The following MYD88 variants were observed in gnomAD, a reference collection of about 807,000 sequenced individuals.
The protein encoded by MYD88 is MYD88 innate immune signal transduction adaptor, also known as myeloid differentiation primary response protein MyD88.
A neutral mutation model predicts 31.1 loss-of-function variants in MYD88; 15 were observed. The ratio of observed to expected loss-of-function variants is 0.48; its 90% confidence interval spans 0.32 to 0.74. MYD88 has a LOEUF of 0.74. MYD88 is among the 30% of genes least tolerant of loss of function. The pLI is 0.03. For missense variants in MYD88, 308 were observed against 387.4 expected, an observed-to-expected ratio of 0.79 and a Z score of 1.72; for synonymous variants, 157 against 158.8, an observed-to-expected ratio of 0.99 and a Z score of 0.08.
rs890533848 is a variant in MYD88 at position 38,139,277 on chromosome 3, G to T, written c.328+249G>T. 34 of 585,506 alleles carry T rather than the reference G, an allele frequency of 5.8e-5. No homozygotes were observed. The highest frequency in any genetic ancestry group is 9.6e-5 in the Non-Finnish European group (32 of 334,712). The allele number at this position is 585,506 out of a possible 1,614,324, so 36.3% of individuals were successfully genotyped here. On this transcript the variant is annotated intron_variant, in intron 1 of 4. Coordinates refer to ENST00000650905, the MANE Select transcript of MYD88 (RefSeq NM_002468.5). The surrounding 1 kb of genome is among the most constrained non-coding windows in gnomAD (Gnocchi z 4.7). ...AGCTTAGGCAGAGGCTTTCAGGTAG[G>T]GCCAGGAGTCAGAATCAGGCTTCTG...
Position 38,138,744 on chromosome 3 carries a change from C to G in MYD88, c.44C>G (p.Ser15Cys), listed in dbSNP as rs771227546. The G allele has an allele frequency of 6.2e-7, 1 of 1,611,690 alleles. No individual in the cohort carries two copies. Among genetic ancestry groups the G allele is most frequent in the East Asian group, 2.2e-5 (1 of 44,866 alleles). Residue 15 changes from serine to cysteine, a missense_variant, in exon 1 of 5, where the codon TCC becomes TGC. By Grantham distance (112) the Ser-to-Cys change is moderately radical. Coordinates refer to ENST00000650905, the MANE Select transcript of MYD88 (RefSeq NM_002468.5). The surrounding 1 kb of genome is among the most constrained non-coding windows in gnomAD (Gnocchi z 6.4). ...GPGAGSAAPV[S>C]STSSLPLAAL... ...GGCGCGGGGTCTGCGGCCCCGGTCTCCTCCACATCCTCCCTTCCCCTGGCT... is the reference window on the plus strand; with the variant it reads ...GGCGCGGGGTCTGCGGCCCCGGTCTGCTCCACATCCTCCCTTCCCCTGGCT...
rs778614039 is a variant in MYD88 at position 38,138,685 on chromosome 3, T to G, written c.-16T>G. 8 of 1,591,954 alleles carry G rather than the reference T, an allele frequency of 5.0e-6. No homozygotes were observed. Among genetic ancestry groups the G allele is most frequent in the Admixed American group, 3.4e-5 (2 of 59,306 alleles). On this transcript the variant is annotated 5_prime_UTR_variant, in exon 1 of 5. Coordinates refer to ENST00000650905, the MANE Select transcript of MYD88 (RefSeq NM_002468.5). The surrounding 1 kb of genome is among the most constrained non-coding windows in gnomAD (Gnocchi z 6.4). ...CAATGCGACCCGACCGCGCTGAGGC[T>G]CCAGGACCGCCCGCCATGGCTGCAG...
In MYD88 at chr3:38,140,447, G is replaced by C. The variant is rs2125778480; in HGVS notation, c.523G>C (p.Val175Leu). ...ICYCPSDIQF[V>L]QEMIRQLEQT... ...CTATTGCCCCAGCGACATCCAGTTT[G>C]TGCAGGAGATGATCCGGCAACTGGA... Residue 175 changes from valine to leucine, a missense_variant, in exon 3 of 5, where the codon GTG becomes CTG. By Grantham distance (32) the Val-to-Leu change is conservative. Coordinates refer to ENST00000650905, the MANE Select transcript of MYD88 (RefSeq NM_002468.5). 2 of 1,614,240 alleles carry C rather than the reference G, an allele frequency of 1.2e-6. No individual in the cohort carries two copies. The highest frequency in any genetic ancestry group is 1.7e-6 in the Non-Finnish European group (2 of 1,180,038).
In MYD88 at chr3:38,138,672, A is replaced by G; in HGVS notation, c.-29A>G. The G allele has an allele frequency of 6.4e-7, 1 of 1,563,212 alleles. No individual in the cohort carries two copies. The highest frequency in any genetic ancestry group is 8.7e-7 in the Non-Finnish European group (1 of 1,151,560). On this transcript the variant is annotated 5_prime_UTR_variant, in exon 1 of 5. Transcript: ENST00000650905. This position sits in a 1 kb window ranked among gnomAD's most constrained non-coding sequence, Gnocchi z 6.4. ...AAGCGCTGGCAGACAATGCGACCCG[A>G]CCGCGCTGAGGCTCCAGGACCGCCC...
rs1374125595 is a variant in MYD88 at position 38,139,386 on chromosome 3, G to C, written c.328+358G>C. ...GACTGTCTTAGAAACCTCAAGTCCTGGGGAAATGCAGCCCTTCTTTCTACT... is the reference window on the plus strand; with the variant it reads ...GACTGTCTTAGAAACCTCAAGTCCTCGGGAAATGCAGCCCTTCTTTCTACT... On this transcript the variant is annotated intron_variant, in intron 1 of 4. Transcript: ENST00000650905. The surrounding 1 kb of genome is among the most constrained non-coding windows in gnomAD (Gnocchi z 4.7). 1 of 426,594 alleles carries C rather than the reference G, an allele frequency of 2.3e-6. No homozygotes were observed. Among genetic ancestry groups the C allele is most frequent in the African/African-American group, 2.0e-5 (1 of 50,428 alleles). The allele number at this position is 426,594 out of a possible 1,614,324, so 26.4% of individuals were successfully genotyped here. A position where few individuals can be genotyped will look rare whatever the true frequency, so the allele number is the denominator to read the frequency against.
chr3:38,139,097 C>T lies in MYD88; in HGVS notation c.328+69C>T. 1 of 1,542,734 alleles carries T rather than the reference C, an allele frequency of 6.5e-7. No homozygotes were observed. Among genetic ancestry groups the T allele is most frequent in the South Asian group, 1.2e-5 (1 of 83,260 alleles). On this transcript the variant is annotated intron_variant, in intron 1 of 4. Transcript: ENST00000650905. This position sits in a 1 kb window ranked among gnomAD's most constrained non-coding sequence, Gnocchi z 4.7. Reference sequence around the variant, plus strand: ...GGCTGACTTTCCGCGGCCTCAGCATCCTGTCTCCCATGGAGAGACCCCATT... The same window carrying T: ...GGCTGACTTTCCGCGGCCTCAGCATTCTGTCTCCCATGGAGAGACCCCATT...
Position 38,141,429 on chromosome 3 carries a change from G to A in MYD88, c.*143G>A. The A allele has an allele frequency of 9.1e-7, 1 of 1,099,262 alleles. No individual in the cohort carries two copies. The highest frequency in any genetic ancestry group is 1.4e-6 in the Non-Finnish European group (1 of 727,132). 68.1% of individuals were successfully genotyped at this position (1,099,262 alleles called of 1,614,324 possible). Reference sequence around the variant, plus strand: ...AGATGCCAACTTCACAGACACGTCTGCAGCAGCTGGACATCACATTTCATG... The same window carrying A: ...AGATGCCAACTTCACAGACACGTCTACAGCAGCTGGACATCACATTTCATG... On this transcript the variant is annotated 3_prime_UTR_variant, in exon 5 of 5. Coordinates refer to ENST00000650905, the MANE Select transcript of MYD88 (RefSeq NM_002468.5).
At chr3:38,140,601 A>T (rs1470947843) in intron 3 of MYD88, 33 bp downstream of exon 3, 1 of 1,613,824 alleles carries the variant, frequency 6.2e-7, no homozygotes, top group South Asian at 1.1e-5. Context: ...GGGTGCGTGG[A>T]TGCATGAAGC....
Position 38,140,843 on chromosome 3 carries a change from C to T in MYD88, c.731C>T (p.Ser244Phe), listed in dbSNP as rs2125779768. ...DFQTKFALSL[S>F]PGAHQKRLIP... ...CAGACCAAATTTGCACTCAGCCTCT[C>T]TCCAGGTAAGCTCAACCCTGCTCTG... Residue 244 changes from serine (S) to phenylalanine (F), a missense_variant, in exon 4 of 5, where the codon TCT (serine) becomes TTT (phenylalanine). Physicochemically the swap from Ser to Phe is radical, Grantham distance 155 (BLOSUM62 -2). Transcript: ENST00000650905. 3 of 1,614,026 alleles carry T rather than the reference C, an allele frequency of 1.9e-6. No homozygotes were observed. Among genetic ancestry groups the T allele is most frequent in the Non-Finnish European group, 1.7e-6 (2 of 1,179,858 alleles).
At position 38,138,753 on chromosome 3, in the gene MYD88, C is replaced by T. The variant is rs377224266; in HGVS notation, c.53C>T (p.Ser18Phe). ...AGSAAPVSST[S>F]SLPLAALNMR... is the part of the protein sequence containing the mutation. ...TCTGCGGCCCCGGTCTCCTCCACAT[C>T]CTCCCTTCCCCTGGCTGCTCTCAAC... The change falls in exon 1 of 5, where the codon TCC (serine) becomes TTC (phenylalanine). Residue 18 changes from serine to phenylalanine, a missense_variant. Coordinates refer to ENST00000650905, the MANE Select transcript of MYD88 (RefSeq NM_002468.5). This position sits in a 1 kb window ranked among gnomAD's most constrained non-coding sequence, Gnocchi z 6.4. The T allele has an allele frequency of 6.2e-7, 1 of 1,612,298 alleles. No homozygotes were observed. Among genetic ancestry groups the T allele is most frequent in the Non-Finnish European group, 8.5e-7 (1 of 1,179,582 alleles).
chr3:38,139,562 A>C lies in MYD88; in HGVS notation c.329-302A>C, dbSNP rs990181907. The C allele has an allele frequency of 2.7e-5, 13 of 473,908 alleles. No homozygotes were observed. The highest frequency in any genetic ancestry group is 2.3e-4 in the African/African-American group (12 of 51,124). The allele number at this position is 473,908 out of a possible 1,614,324, so 29.4% of individuals were successfully genotyped here. The stretch of plus-strand genomic sequence containing the variant: ...AGCCCCTTGCTCACATCTGCCCTGG[A>C]TCCCAGAAGAAGCAGACCTACCTTG... On this transcript the variant is annotated intron_variant, in intron 1 of 4. Transcript: ENST00000650905. The surrounding 1 kb of genome is among the most constrained non-coding windows in gnomAD (Gnocchi z 4.7).
In MYD88 at chr3:38,142,591, G is replaced by A. The variant is rs1319677376; in HGVS notation, c.*1305G>A. The A allele has an allele frequency of 4.3e-6, 1 of 233,324 alleles. No homozygotes were observed. Among genetic ancestry groups the A allele is most frequent in the Non-Finnish European group, 8.5e-6 (1 of 118,078 alleles). The allele number at this position is 233,324 out of a possible 1,614,324, so 14.5% of individuals were successfully genotyped here. A position where few individuals can be genotyped will look rare whatever the true frequency, so the allele number is the denominator to read the frequency against. On this transcript the variant is annotated 3_prime_UTR_variant, in exon 5 of 5. Transcript: ENST00000650905. The stretch of plus-strand genomic sequence containing the variant: ...CACACAACAATGAACTGCAGACACA[G>A]CTGTTCTCTCCCTCTCTCCTTCCCA...
rs1701016576 is a variant in MYD88 at position 38,139,259 on chromosome 3, G to A, written c.328+231G>A. 5 of 623,810 alleles carry A rather than the reference G, an allele frequency of 8.0e-6. No individual in the cohort carries two copies. The highest frequency in any genetic ancestry group is 1.4e-5 in the Non-Finnish European group (5 of 365,044). 38.6% of individuals were successfully genotyped at this position (623,810 alleles called of 1,614,324 possible). On this transcript the variant is annotated intron_variant, in intron 1 of 4. Transcript: ENST00000650905. This position sits in a 1 kb window ranked among gnomAD's most constrained non-coding sequence, Gnocchi z 4.7. ...CGGAGATGGGAAGGAAGCAGCTTAG[G>A]CAGAGGCTTTCAGGTAGGGCCAGGA...
Position 38,140,846 on chromosome 3 carries a change from C to G in MYD88, c.734C>G (p.Pro245Arg), listed in dbSNP as rs2125779782. ...FQTKFALSLS[P>R]GAHQKRLIPI... ...ACCAAATTTGCACTCAGCCTCTCTC[C>G]AGGTAAGCTCAACCCTGCTCTGGCA... Residue 245 changes from proline (P) to arginine (R), a missense_variant and splice_region_variant, in exon 4 of 5, where the codon CCA becomes CGA. By Grantham distance (103) the Pro-to-Arg change is moderately radical (BLOSUM62 -2). Coordinates refer to ENST00000650905, the MANE Select transcript of MYD88 (RefSeq NM_002468.5). The G allele has an allele frequency of 6.2e-7, 1 of 1,613,650 alleles. No homozygotes were observed. The highest frequency in any genetic ancestry group is 8.5e-7 in the Non-Finnish European group (1 of 1,179,544).
At position 38,141,156 on chromosome 3, in the gene MYD88, C is replaced by T; in HGVS notation, c.761C>T (p.Pro254Leu). 6.2e-7 allele frequency: 1 copy of T among 1,614,192 alleles called. No individual in the cohort carries two copies. Among genetic ancestry groups the T allele is most frequent in the Non-Finnish European group, 8.5e-7 (1 of 1,180,036 alleles). ...SPGAHQKRLI[P>L]IKYKAMKKEF... ...GGTGCCCATCAGAAGCGACTGATCC[C>T]CATCAAGTACAAGGCAATGAAGAAA... Residue 254 changes from proline to leucine, a missense_variant, in exon 5 of 5, where the codon CCC (proline) becomes CTC (leucine). Pro to Leu is a moderately conservative substitution (Grantham distance 98). Transcript: ENST00000650905.
In MYD88 at chr3:38,139,062, G is replaced by T. The variant is rs200424253; in HGVS notation, c.328+34G>T. 4.0e-4 allele frequency: 639 copies of T among 1,588,648 alleles called. 1 individual carries two copies. The highest frequency in any genetic ancestry group is 5.2e-4 in the Non-Finnish European group (614 of 1,172,456). On this transcript the variant is annotated intron_variant, in intron 1 of 4. Coordinates refer to ENST00000650905, the MANE Select transcript of MYD88 (RefSeq NM_002468.5). This position sits in a 1 kb window ranked among gnomAD's most constrained non-coding sequence, Gnocchi z 4.7. ...GTCCCCTTCCTGGCCTCGTACCTGG[G>T]GGGTGAGGAGGCTGACTTTCCGCGG...
In MYD88 at chr3:38,141,914, G is replaced by A. The variant is rs1302264853; in HGVS notation, c.*628G>A. 4.0e-6 allele frequency: 1 copy of A among 251,610 alleles called. No individual in the cohort carries two copies. Among genetic ancestry groups the A allele is most frequent in the African/African-American group, 2.2e-5 (1 of 45,820 alleles). The allele number at this position is 251,610 out of a possible 1,614,324, so 15.6% of individuals were successfully genotyped here. A position where few individuals can be genotyped will look rare whatever the true frequency, so the allele number is the denominator to read the frequency against. On this transcript the variant is annotated 3_prime_UTR_variant, in exon 5 of 5. Coordinates refer to ENST00000650905, the MANE Select transcript of MYD88 (RefSeq NM_002468.5). ...CCCACCTTGAGCCTTATTTCCTAATGGGTCCACCTCTCATCTGCATCTTTC... is the reference window on the plus strand; with the variant it reads ...CCCACCTTGAGCCTTATTTCCTAATAGGTCCACCTCTCATCTGCATCTTTC...
chr3:38,140,043 T>C (rs767857641), intron 2 of MYD88, 45 bp downstream of exon 2: 6 of 1,607,942 alleles, frequency 3.7e-6, no homozygotes, highest in African/African-American at 2.7e-5. Flanking sequence ...GAATAGGACA[T>C]TGTGGTGTTA....
In MYD88 at chr3:38,142,925, G is replaced by T. The variant is rs1181999565; in HGVS notation, c.*1639G>T. ...TTGTACGCATTAAAATAATTTCAAA[G>T]ATATCTGAGAAAAGCCGATATTTGC... is the stretch of plus-strand genomic sequence containing the variant. On this transcript the variant is annotated 3_prime_UTR_variant, in exon 5 of 5. Coordinates refer to ENST00000650905, the MANE Select transcript of MYD88 (RefSeq NM_002468.5). 4.3e-6 allele frequency: 1 copy of T among 233,078 alleles called. No individual in the cohort carries two copies. The highest frequency in any genetic ancestry group is 8.5e-6 in the Non-Finnish European group (1 of 118,032). The allele number at this position is 233,078 out of a possible 1,614,324, so 14.4% of individuals were successfully genotyped here.
Sources: allele counts gnomAD v4.1 joint callset, GRCh38; gene constraint gnomAD v4.1.1; non-coding constraint Gnocchi (gnomAD v3.1); transcripts MANE v1.5; gene names NCBI Gene and HGNC (gene_info 2026-07-23, HGNC 2026-07-21).